The following CSMD1 variants were observed in gnomAD, a reference collection of about 807,000 sequenced individuals.
CSMD1 encodes CUB and sushi domain-containing protein 1.
Under a neutral mutation model 417.5 loss-of-function variants are expected in CSMD1, and 213 were observed. The ratio of observed to expected loss-of-function variants is 0.51; its 90% CI spans 0.46 to 0.57. The LOEUF (loss-of-function observed/expected upper bound fraction) is 0.57. Ranked by LOEUF, CSMD1 falls within the 20% of genes least tolerant of loss-of-function variation. The pLI, the probability that CSMD1 is intolerant of heterozygous loss-of-function variation, is 0.00. For missense variants in CSMD1, 6,923 were observed against 4,529.7 expected, an observed-to-expected ratio of 1.53 and a Z score of -15.17; for synonymous variants, 2,862 against 1,736.8, an observed-to-expected ratio of 1.65 and a Z score of -16.11.
chr8:3,341,977 C>G (rs898072388), intron 23 of CSMD1, among the ~76,000 whole-genome samples: 1 of 152,106 alleles, frequency 6.6e-6, no homozygotes. Context: ...TTTACAAGAG[C>G]TCTTTGAGAC....
At position 4,783,181 on chromosome 8, in the gene CSMD1, T is replaced by G. The variant is rs145227179; in HGVS notation, c.86-145623A>C. Among the ~76,000 whole-genome samples, 830 of 152,346 alleles carry G rather than the reference T, an allele frequency of 5.4e-3. 9 individuals are homozygous for G. The highest frequency in any genetic ancestry group is 0.019 in the African/African-American group (795 of 41,576). On this transcript the variant is annotated intron_variant, in intron 1 of 69. Coordinates refer to ENST00000635120, the MANE Select transcript of CSMD1 (RefSeq NM_033225.6). Reference sequence around the variant, plus strand: ...ACCCACCTGAAATTTTGTAGATAGTTGAAATACACTTAACATTAGGCATTA... The same window carrying G: ...ACCCACCTGAAATTTTGTAGATAGTGGAAATACACTTAACATTAGGCATTA...
At chr8:3,738,698 C>T (rs902060228) in intron 6 of CSMD1, among the ~76,000 whole-genome samples, 1 of 152,172 alleles carries the variant, frequency 6.6e-6, no homozygotes, top group Admixed American at 6.5e-5. Context: ...CACACAGACA[C>T]ATGGAAGGTG....
At chr8:3,933,927 G>A (rs530603847) in intron 5 of CSMD1, among the ~76,000 whole-genome samples, 1 of 152,024 alleles carries the variant, frequency 6.6e-6, no homozygotes, top group Admixed American at 6.6e-5. Flanking sequence ...TGAAAAATGC[G>A]ATGAAAAACC....
At position 3,997,913 on chromosome 8, in the gene CSMD1, G is replaced by A; in HGVS notation, c.808C>T (p.Pro270Ser). ...CTTCCCGGGACTTACCATATGGATG[G>A]AGCTTCCGTGCCACTGATCTCTAAG... ...DFLEISGTEA[P>S]SIWLTGMNLP... is the part of the protein sequence containing the mutation. Residue 270 changes from proline (P) to serine (S), a missense_variant, in exon 5 of 70, where the codon CCA becomes TCA. By Grantham distance (74) the Pro-to-Ser change is moderately conservative. Coordinates refer to ENST00000635120, the MANE Select transcript of CSMD1 (RefSeq NM_033225.6). 2 of 1,611,906 alleles carry A rather than the reference G, an allele frequency of 1.2e-6. No individual in the cohort carries two copies. Among genetic ancestry groups the A allele is most frequent in the Non-Finnish European group, 1.7e-6 (2 of 1,178,998 alleles).
chr8:4,505,577 T>C (rs1276345952), intron 2 of CSMD1, among the ~76,000 whole-genome samples: 1 of 152,186 alleles, frequency 6.6e-6, no homozygotes, highest in East Asian at 1.9e-4. Context: ...GGAATGGATT[T>C]CTTACTTAAT....
chr8:4,889,248 A>C (rs1017229342), intron 1 of CSMD1, among the ~76,000 whole-genome samples: 1 of 152,246 alleles, frequency 6.6e-6, no homozygotes, highest in East Asian at 1.9e-4. Flanking sequence ...ACACAAAATT[A>C]GTTCTATTAT....
chr8:4,270,598 G>C (rs972367266), intron 3 of CSMD1, among the ~76,000 whole-genome samples: 3 of 152,134 alleles, frequency 2.0e-5, no homozygotes, highest in African/African-American at 7.2e-5. Flanking sequence ...CCGACTTCCT[G>C]TTCAACCTGA....
chr8:4,434,297 T>C (rs1191238892), intron 2 of CSMD1, among the ~76,000 whole-genome samples: 1 of 152,114 alleles, frequency 6.6e-6, no homozygotes, highest in Admixed American at 6.6e-5. Context: ...ACCTTGGAGA[T>C]GGAGGTTGCA....
At chr8:4,275,431 G>A (rs996310111) in intron 3 of CSMD1, among the ~76,000 whole-genome samples, 1 of 152,086 alleles carries the variant, frequency 6.6e-6, no homozygotes, top group Non-Finnish European at 1.5e-5. Context: ...TGATTTGTGT[G>A]CATGATACTA....
intron 3 of CSMD1, among the ~76,000 whole-genome samples, chr8:4,256,459 A>G (rs1803461352): frequency 6.6e-6 from 1 of 152,232 alleles, no homozygotes; most frequent in Non-Finnish European, 1.5e-5. Context: ...ATATAGAGAC[A>G]TGAATTAACC....
chr8:4,602,650 G>A (rs1034922053), intron 2 of CSMD1, among the ~76,000 whole-genome samples: 1 of 152,154 alleles, frequency 6.6e-6, no homozygotes, highest in Non-Finnish European at 1.5e-5. Flanking sequence ...TCATGTTAGG[G>A]CAAGTGGCAA....
chr8:4,290,775 C>T (rs909071257), intron 3 of CSMD1, among the ~76,000 whole-genome samples: 1 of 152,144 alleles, frequency 6.6e-6, no homozygotes, highest in Non-Finnish European at 1.5e-5. Flanking sequence ...TTCTGTAAGT[C>T]TGATTTTTTG....
At chr8:4,174,260 T>G (rs950854557) in intron 3 of CSMD1, among the ~76,000 whole-genome samples, 6 of 152,134 alleles carry the variant, frequency 3.9e-5, no homozygotes, top group Admixed American at 3.9e-4. Context: ...GAAATGAATC[T>G]TCAGCAAGAA....
At chr8:4,707,446 G>A (rs981829552) in intron 1 of CSMD1, among the ~76,000 whole-genome samples, 1 of 152,192 alleles carries the variant, frequency 6.6e-6, no homozygotes, top group African/African-American at 2.4e-5. Context: ...GCTGATGGTG[G>A]AAGGTCAGAT....
At chr8:3,909,455 G>A (rs1017954816) in intron 5 of CSMD1, among the ~76,000 whole-genome samples, 12 of 152,088 alleles carry the variant, frequency 7.9e-5, no homozygotes, top group Admixed American at 5.9e-4. Context: ...AACACACGGC[G>A]TGCTCCTGAG....
intron 5 of CSMD1, among the ~76,000 whole-genome samples, chr8:3,964,262 G>A (rs78144723): frequency 6.6e-6 from 1 of 152,104 alleles, no homozygotes; most frequent in Non-Finnish European, 1.5e-5. Context: ...TCCCTCCTTT[G>A]GGGCTTAGAG....
chr8:3,580,667 A>G (rs1007995987), intron 9 of CSMD1, among the ~76,000 whole-genome samples: 1 of 152,150 alleles, frequency 6.6e-6, no homozygotes, highest in African/African-American at 2.4e-5. Context: ...AGCAGCAGAA[A>G]TTTCTCCAAA....
At chr8:3,054,962 C>A (rs1812118338) in intron 49 of CSMD1, among the ~76,000 whole-genome samples, 2 of 152,140 alleles carry the variant, frequency 1.3e-5, no homozygotes, top group Admixed American at 6.6e-5. Flanking sequence ...TCACAATGTT[C>A]CAATATCTAG....
At chr8:3,591,830 G>A (rs931651044) in intron 8 of CSMD1, among the ~76,000 whole-genome samples, 1 of 152,114 alleles carries the variant, frequency 6.6e-6, no homozygotes, top group Non-Finnish European at 1.5e-5. Context: ...ATGGATAGAT[G>A]ATAGGTACAT....
Sources: gnomAD v4.1 joint callset for allele counts (sites outside exome capture counted in the v4.1 genomes callset) on GRCh38, gnomAD v4.1.1 for gene constraint, MANE v1.5 for transcripts, NCBI Gene and HGNC (gene_info 2026-07-23, HGNC 2026-07-21) for gene names.